UGT1A7: variants seen among roughly 807,000 people sequenced by gnomAD.
UGT1A7 encodes UDP glucuronosyltransferase family 1 member A7, also known as UDP-glucuronosyltransferase 1A7.
In UGT1A7, 33 loss-of-function variants were observed where a neutral mutation model predicts 45.6. The observed-to-expected ratio is 0.72, with a 90% CI of 0.55 to 0.97. The LOEUF is 0.97. Among genes scored for constraint, UGT1A7 ranks in the 50% least tolerant of loss-of-function variants. The pLI, the probability that UGT1A7 is intolerant of heterozygous loss-of-function variation, is 0.00. For synonymous variants in UGT1A7, 274 were observed against 250.6 expected (o/e 1.09, Z -0.88); for missense variants, 684 against 666.2 (o/e 1.03, Z -0.29).
In UGT1A7 at chr2:233,691,778, G is replaced by A. The variant is rs45618133; in HGVS notation, c.855+8986G>A. Reference sequence around the variant, plus strand: ...ACTCCTGCTCTAGGATTCTCACCACGTACTGGCTAGACTTATACTTCTCAA... The same window carrying A: ...ACTCCTGCTCTAGGATTCTCACCACATACTGGCTAGACTTATACTTCTCAA... On this transcript the variant is annotated intron_variant, in intron 1 of 4. Transcript: ENST00000373426. The A allele has an allele frequency of 2.0e-3, 606 of 303,788 alleles. 8 individuals carry two copies. Among genetic ancestry groups the A allele is most frequent in the African/African-American group, 0.013 (574 of 44,350 alleles). The allele number at this position is 303,788 out of a possible 1,614,324, so 18.8% of individuals were successfully genotyped here.
At chr2:233,721,339 A>G (rs1028958068) in intron 1 of UGT1A7, among the ~76,000 whole-genome samples, 3 of 152,110 alleles carry the variant, frequency 2.0e-5, no homozygotes, top group African/African-American at 7.2e-5. Context: ...TTCACTATGA[A>G]TATATTCTTT....
chr2:233,693,389 C>T, intron 1 of UGT1A7: 1 of 1,614,162 alleles, frequency 6.2e-7, no homozygotes, highest in Non-Finnish European at 8.5e-7. Flanking sequence ...CTGCCAGAGC[C>T]TCCTGCAGGA....
At chr2:233,750,678 C>T (rs1368928453) in intron 1 of UGT1A7, 1 of 151,600 alleles carries the variant, frequency 6.6e-6, no homozygotes, top group Admixed American at 6.5e-5. Context: ...CCCAGTGGCT[C>T]CAGCCATGGC....
intron 1 of UGT1A7, chr2:233,712,902 G>A (rs1351189678): frequency 6.2e-7 from 1 of 1,609,502 alleles, no homozygotes; most frequent in Non-Finnish European, 8.5e-7. Context: ...TTTGCTAGGT[G>A]TCTCAGTGAC....
At chr2:233,749,829 T>G (rs758485445) in intron 1 of UGT1A7, among the ~76,000 whole-genome samples, 2 of 151,956 alleles carry the variant, frequency 1.3e-5, no homozygotes, top group Non-Finnish European at 2.9e-5. Context: ...CTCTCTTTCA[T>G]GTAAGACGTG....
At chr2:233,738,971 TG>T (rs2125819893) in intron 1 of UGT1A7, 1 of 152,378 alleles carries the variant, frequency 6.6e-6, no homozygotes, top group Admixed American at 6.5e-5. Context: ...CCCCCACTGC[TG>T]TGTGCAGCCT....
At chr2:233,760,806 T>C (rs751197990) in intron 1 of UGT1A7, 3 of 1,613,492 alleles carry the variant, frequency 1.9e-6, no homozygotes, top group Non-Finnish European at 2.5e-6. Context: ...TCTTCTTGCA[T>C]GCACTGCCAT....
At chr2:233,752,448 A>G (rs1409153426) in intron 1 of UGT1A7, 1 of 152,234 alleles carries the variant, frequency 6.6e-6, no homozygotes, top group Admixed American at 6.5e-5. Flanking sequence ...ATAAAAGATG[A>G]ATACCCACAT....
At chr2:233,762,603 G>T (rs890320273) in intron 1 of UGT1A7, among the ~76,000 whole-genome samples, 2 of 152,136 alleles carry the variant, frequency 1.3e-5, no homozygotes, top group Admixed American at 1.3e-4. Context: ...TGTATTCCAG[G>T]AGTTTTGTTG....
intron 1 of UGT1A7, among the ~76,000 whole-genome samples, chr2:233,700,049 A>G (rs1170683742): frequency 6.6e-6 from 1 of 152,212 alleles, no homozygotes; most frequent in Non-Finnish European, 1.5e-5. Context: ...ATCAATTCCA[A>G]GTGAATCCAG....
rs760289864 is a variant in UGT1A7 at position 233,772,449 on chromosome 2, G to A, written c.1483G>A (p.Val495Ile). 8 of 1,614,068 alleles carry A rather than the reference G, an allele frequency of 5.0e-6. No homozygotes were observed. Among genetic ancestry groups the A allele is most frequent in the Middle Eastern group, 1.6e-4 (1 of 6,084 alleles). Residue 495 changes from valine (V) to isoleucine (I), a missense_variant, in exon 5 of 5, where the codon GTC becomes ATC. Physicochemically the swap from Val to Ile is conservative, Grantham distance 29 (BLOSUM62 3). Transcript: ENST00000373426. ...GGACGTGATTGGTTTCCTCTTGGCCGTCGTGCTGACAGTGGCCTTCATCAC... is the reference window on the plus strand; with the variant it reads ...GGACGTGATTGGTTTCCTCTTGGCCATCGTGCTGACAGTGGCCTTCATCAC... ...SLDVIGFLLA[V>I]VLTVAFITFK...
At chr2:233,712,429 G>A (rs1352438227) in intron 1 of UGT1A7, among the ~76,000 whole-genome samples, 1 of 152,122 alleles carries the variant, frequency 6.6e-6, no homozygotes, top group African/African-American at 2.4e-5. Flanking sequence ...GAAATATCCT[G>A]GTGTGAAAAA....
chr2:233,725,264 GGAGGCA>G lies in UGT1A7; in HGVS notation c.856-41722_856-41717del, dbSNP rs551912265. ...CAGAGGCAGAGGAGGCAGAGGCAGA[GGAGGCA>G]GAGGCAGAGGCAGAGGCAGAGGCAG... On this transcript the variant is annotated intron_variant, in intron 1 of 4. Transcript: ENST00000373426. Among the ~76,000 whole-genome samples, 500 of 58,540 alleles carry G rather than the reference GGAGGCA, an allele frequency of 8.5e-3. 122 individuals carry two copies. Among genetic ancestry groups the G allele is most frequent in the East Asian group, 0.035 (117 of 3,306 alleles). 38.4% of individuals were successfully genotyped at this position (58,540 alleles called of 152,430 possible). A position where few individuals can be genotyped will look rare whatever the true frequency, so the allele number is the denominator to read the frequency against.
chr2:233,745,888 G>A (rs1423875334), intron 1 of UGT1A7, among the ~76,000 whole-genome samples: 1 of 151,512 alleles, frequency 6.6e-6, no homozygotes, highest in African/African-American at 2.4e-5. Flanking sequence ...TGTTGGTGGG[G>A]TGGCGTTTTT....
In UGT1A7 at chr2:233,749,724, G is replaced by A. The variant is rs575391114; in HGVS notation, c.856-17310G>A. Among the ~76,000 whole-genome samples the A allele has an allele frequency of 6.1e-4, 93 of 151,922 alleles. 2 individuals are homozygous for A. The highest frequency in any genetic ancestry group is 1.9e-3 in the African/African-American group (77 of 41,238). On this transcript the variant is annotated intron_variant, in intron 1 of 4. Coordinates refer to ENST00000373426, the MANE Select transcript of UGT1A7 (RefSeq NM_019077.3). ...GTGATTGGATCATGGGGGCAGTTTC[G>A]CACCTGCTGGTCTCATCATAGTGAG...
At chr2:233,759,599 A>ACC (rs1553620419) in intron 1 of UGT1A7, among the ~76,000 whole-genome samples, 7 of 108,662 alleles carry the variant, frequency 6.4e-5, no homozygotes, top group Admixed American at 1.0e-4. Context: ...CCCACCCCCG[A>ACC]CCCGCCCCAC....
intron 1 of UGT1A7, among the ~76,000 whole-genome samples, chr2:233,718,195 A>C (rs1455631272): frequency 6.6e-6 from 1 of 152,034 alleles, no homozygotes; most frequent in Non-Finnish European, 1.5e-5. Flanking sequence ...GCCTCCCCGG[A>C]GCTTTTTTTT....
Position 233,772,516 on chromosome 2 carries a change from A to T in UGT1A7, c.1550A>T (p.Lys517Ile). The T allele has an allele frequency of 1.2e-6, 2 of 1,614,208 alleles. No individual in the cohort carries two copies. Among genetic ancestry groups the T allele is most frequent in the Non-Finnish European group, 1.7e-6 (2 of 1,180,034 alleles). Reference protein sequence around the residue: ...CAYGYRKCLGKKGRVKKAHKS... With the variant: ...CAYGYRKCLGIKGRVKKAHKS... ...TATGGCTACCGGAAATGCTTGGGGAAAAAAGGGCGAGTTAAGAAAGCCCAC... is the reference window on the plus strand; with the variant it reads ...TATGGCTACCGGAAATGCTTGGGGATAAAAGGGCGAGTTAAGAAAGCCCAC... The change falls in exon 5 of 5, where the codon AAA becomes ATA. Residue 517 changes from lysine (K) to isoleucine (I), a missense_variant. By Grantham distance (102) the Lys-to-Ile change is moderately radical. Transcript: ENST00000373426.
rs71398796 is a variant in UGT1A7 at position 233,695,130 on chromosome 2, C to CTTTTTTTTT, written c.855+12344_855+12352dup. ...GCCCATTAACCAACCCTTTTCTTTT[C>CTTTTTTTTT]TTTTTTTTTTTTTTGAGACAGAGTC... is the stretch of plus-strand genomic sequence containing the variant. On this transcript the variant is annotated intron_variant, in intron 1 of 4. Transcript: ENST00000373426. 1.1e-4 allele frequency among the ~76,000 whole-genome samples: 15 copies of CTTTTTTTTT among 138,838 alleles called. 2 individuals are homozygous for CTTTTTTTTT. The highest frequency in any genetic ancestry group is 1.1e-4 in the Non-Finnish European group (7 of 64,552). 91.1% of individuals were successfully genotyped at this position (138,838 alleles called of 152,430 possible). A position where few individuals can be genotyped will look rare whatever the true frequency, so the allele number is the denominator to read the frequency against.
Sources: allele counts gnomAD v4.1 joint callset (sites outside exome capture counted in the v4.1 genomes callset), GRCh38; gene constraint gnomAD v4.1.1; transcripts MANE v1.5; gene names NCBI Gene and HGNC (gene_info 2026-07-23, HGNC 2026-07-21).